Variants in DHX57 observed in about 807,000 individuals in gnomAD.
DHX57 encodes DExH-box helicase 57, also known as putative ATP-dependent RNA helicase DHX57.
A neutral mutation model predicts 156.2 loss-of-function variants in DHX57; 105 were observed. The ratio of observed to expected loss-of-function variants is 0.67; its 90% confidence interval spans 0.57 to 0.79. The LOEUF is 0.79. Ranked by LOEUF, DHX57 falls within the 30% of genes least tolerant of loss-of-function variation. The pLI is 0.00. For missense variants in DHX57, 1,847 were observed against 1,661.9 expected (o/e 1.11, Z -1.94); for synonymous variants, 704 against 595.6 (o/e 1.18, Z -2.65).
At chr2:38,839,653 G>A (rs932399909) in intron 12 of DHX57, among the ~76,000 whole-genome samples, 26 of 151,924 alleles carry the variant, frequency 1.7e-4, no homozygotes, top group African/African-American at 6.0e-4. Context: ...CCCAGGAGGC[G>A]GAGGTTGTGG....
At chr2:38,860,905 G>A in intron 5 of DHX57, 94 bp downstream of exon 5, 11 of 1,120,752 alleles carry the variant, frequency 9.8e-6, no homozygotes, top group East Asian at 7.2e-5. Flanking sequence ...GCTTGTTCAA[G>A]ATCACTAAGC....
At chr2:38,803,777 C>A (rs1669810036) in intron 22 of DHX57, among the ~76,000 whole-genome samples, 2 of 118,524 alleles carry the variant, frequency 1.7e-5, no homozygotes, top group South Asian at 6.9e-4. Flanking sequence ...GTGTGAGTCA[C>A]CACACCCAGC....
rs112172133 is a variant in DHX57, at chr2:38,813,373, T to G, written c.3681+448A>C. Among the ~76,000 whole-genome samples the G allele has an allele frequency of 3.1e-3, 477 of 151,944 alleles. 3 individuals carry two copies. Among genetic ancestry groups the G allele is most frequent in the African/African-American group, 0.011 (452 of 41,466 alleles). On this transcript the variant is annotated intron_variant, in intron 21 of 23. Coordinates refer to ENST00000457308, the MANE Select transcript of DHX57 (RefSeq NM_198963.3). The stretch of plus-strand genomic sequence containing the variant: ...GAACTGAAGGATTGAAAATGTATAC[T>G]AAGTTTTTTTTTTTTGAGATGGAGT...
chr2:38,833,961 ACT>A (rs1671516077), intron 13 of DHX57, among the ~76,000 whole-genome samples: 1 of 152,144 alleles, frequency 6.6e-6, no homozygotes, highest in Non-Finnish European at 1.5e-5. Context: ...AATAATCAAA[ACT>A]CACACACACA....
chr2:38,856,434 G>A lies in DHX57; in HGVS notation c.1615C>T (p.Gln539Ter), dbSNP rs758505016. Reference sequence around the variant, plus strand: ...CAAGCAGGGAGTGATTGCCTCTCTTGCAGAATGGACTGGAACTGTCTGGAA... The same window carrying A: ...CAAGCAGGGAGTGATTGCCTCTCTTACAGAATGGACTGGAACTGTCTGGAA... ...QASRQFQSIL[Q>*]ERQSLPAWEE... Residue 539 changes from glutamine (Q) to a stop codon, truncating the protein, a stop_gained, in exon 7 of 24, where the codon CAA (glutamine) becomes TAA (stop). Coordinates refer to ENST00000457308, the MANE Select transcript of DHX57 (RefSeq NM_198963.3). LOFTEE classifies it high-confidence loss of function. The A allele has an allele frequency of 6.2e-7, 1 of 1,613,542 alleles. No individual in the cohort carries two copies. Among genetic ancestry groups the A allele is most frequent in the East Asian group, 2.2e-5 (1 of 44,844 alleles).
At chr2:38,863,227 C>T in intron 3 of DHX57, 134 bp downstream of exon 3, 2 of 913,800 alleles carry the variant, frequency 2.2e-6, no homozygotes, top group Non-Finnish European at 1.6e-6. Context: ...TTGTATTACT[C>T]TTGGCTCACT....
At chr2:38,805,059 G>C (rs1375488797) in intron 22 of DHX57, among the ~76,000 whole-genome samples, 1 of 152,124 alleles carries the variant, frequency 6.6e-6, no homozygotes, top group Non-Finnish European at 1.5e-5. Flanking sequence ...CAGATTAGGC[G>C]CTAGTAGATA....
At position 38,818,866 on chromosome 2, in the gene DHX57, A is replaced by G. The variant is rs775691002; in HGVS notation, c.3471+11T>C. 2 of 1,614,140 alleles carry G rather than the reference A, an allele frequency of 1.2e-6. No individual in the cohort carries two copies. Among genetic ancestry groups the G allele is most frequent in the Non-Finnish European group, 1.7e-6 (2 of 1,180,002 alleles). On this transcript the variant is annotated intron_variant, in intron 19 of 23. Transcript: ENST00000457308. ...TAAAAAAATGAAGAAAAAGCCACAG[A>G]CACAACTCACCTGCAGAACTCTTCC...
intron 9 of DHX57, among the ~76,000 whole-genome samples, chr2:38,849,889 A>G (rs1005691344): frequency 3.3e-5 from 5 of 152,106 alleles, no homozygotes; most frequent in African/African-American, 1.2e-4. Context: ...TTAAAATTTC[A>G]AATGCCCTCC....
intron 23 of DHX57, 106 bp downstream of exon 23, chr2:38,802,609 G>A (rs918333542): frequency 1.4e-5 from 19 of 1,367,808 alleles, no homozygotes; most frequent in Non-Finnish European, 1.8e-5. Flanking sequence ...TTTTTAATTA[G>A]CTCTGTTACC....
At chr2:38,815,378 T>C in intron 20 of DHX57, 143 bp downstream of exon 20, 1 of 1,110,794 alleles carries the variant, frequency 9.0e-7, no homozygotes, top group Middle Eastern at 2.2e-4. Flanking sequence ...TGATATTTAT[T>C]TGTGCGAAGC....
At chr2:38,854,780 T>A (rs1305206726) in intron 8 of DHX57, 5 of 291,036 alleles carry the variant, frequency 1.7e-5, no homozygotes, top group Admixed American at 9.0e-5. Flanking sequence ...CAGGCTGGTC[T>A]CGAACTCCCG....
Position 38,862,185 on chromosome 2 carries a change from C to T in DHX57, c.532G>A (p.Glu178Lys). ...ACTGCAAATGGGGAGACTGTAAATT[C>T]TGGAACATAAGGCTCCACTGAGGCT... is the stretch of plus-strand genomic sequence containing the variant. The part of the protein sequence containing the change: ...GLASVEPYVP[E>K]FTVSPFAVQK... Residue 178 changes from glutamate to lysine, a missense_variant, in exon 4 of 24, where the codon GAA (glutamate) becomes AAA (lysine). Glu to Lys is a moderately conservative substitution (Grantham distance 56, BLOSUM62 1). Transcript: ENST00000457308. 1 of 1,611,636 alleles carries T rather than the reference C, an allele frequency of 6.2e-7. No homozygotes were observed. Among genetic ancestry groups the T allele is most frequent in the Non-Finnish European group, 8.5e-7 (1 of 1,178,920 alleles).
At chr2:38,833,313 T>C (rs1049353220) in intron 13 of DHX57, among the ~76,000 whole-genome samples, 8 of 151,964 alleles carry the variant, frequency 5.3e-5, no homozygotes, top group African/African-American at 1.9e-4. Context: ...CAGCTAATTT[T>C]TGTATTTTTA....
chr2:38,867,339 C>A (rs1665133918), intron 2 of DHX57: 1 of 152,212 alleles, frequency 6.6e-6, no homozygotes, highest in Non-Finnish European at 1.5e-5. Flanking sequence ...TACTGTATAA[C>A]ATGCAATAGC....
At chr2:38,852,388 A>G (rs1459304062) in intron 9 of DHX57, among the ~76,000 whole-genome samples, 1 of 130,170 alleles carries the variant, frequency 7.7e-6, no homozygotes, top group Non-Finnish European at 1.6e-5. Flanking sequence ...CTGCTTTCCT[A>G]TCAGTCCACC....
At chr2:38,828,263 A>C (rs1425797550) in intron 14 of DHX57, 77 bp downstream of exon 14, 1 of 1,085,156 alleles carries the variant, frequency 9.2e-7, no homozygotes, top group Non-Finnish European at 1.3e-6. Context: ...GTGCTCTTCC[A>C]GGGTCTAAAG....
At chr2:38,842,205 A>C (rs1203500789) in intron 12 of DHX57, among the ~76,000 whole-genome samples, 2 of 152,232 alleles carry the variant, frequency 1.3e-5, no homozygotes, top group African/African-American at 4.8e-5. Context: ...TCATGGAGAA[A>C]TACTAAACCC....
chr2:38,837,743 G>A lies in DHX57; in HGVS notation c.2542+88C>T, dbSNP rs534045480. 316 of 780,696 alleles carry A rather than the reference G, an allele frequency of 4.0e-4. 3 individuals carry two copies. Among genetic ancestry groups the A allele is most frequent in the South Asian group, 9.1e-4 (58 of 63,424 alleles). 48.4% of individuals were successfully genotyped at this position (780,696 alleles called of 1,614,324 possible). ...TGTAGCCTGTGTGCAGAGTCTGCAT[G>A]TAATTCAAGCACTCATGAATAGACT... is the stretch of plus-strand genomic sequence containing the variant. On this transcript the variant is annotated intron_variant, in intron 13 of 23. Transcript: ENST00000457308.
Sources: allele counts gnomAD v4.1 joint callset (sites outside exome capture counted in the v4.1 genomes callset), GRCh38; gene constraint gnomAD v4.1.1; transcripts MANE v1.5; gene names NCBI Gene and HGNC (gene_info 2026-07-23, HGNC 2026-07-21).